Variants in ERBB4 observed in about 807,000 individuals in gnomAD.
The protein encoded by ERBB4 is receptor tyrosine-protein kinase erbB-4.
Under a neutral mutation model 158.0 loss-of-function variants are expected in ERBB4, and 42 were observed. That is an observed-to-expected ratio of 0.27 (90% CI 0.21 to 0.34). The LOEUF (loss-of-function observed/expected upper bound fraction) is 0.34. Ranked by LOEUF, ERBB4 falls within the 10% of genes least tolerant of loss-of-function variation. The pLI is 1.00. For missense variants in ERBB4, 1,333 were observed against 1,624.1 expected (o/e 0.82, Z 3.08); for synonymous variants, 583 against 558.7 (o/e 1.04, Z -0.61).
chr2:211,377,732 T>C lies in ERBB4; in HGVS notation c.*5883A>G, dbSNP rs966503196. ...AAGTTAATTTACTGGCAAAAATAACTTCTTGGTTATATGTACAGCTTTTAT... is the reference window on the plus strand; with the variant it reads ...AAGTTAATTTACTGGCAAAAATAACCTCTTGGTTATATGTACAGCTTTTAT... On this transcript the variant is annotated 3_prime_UTR_variant, in exon 28 of 28. Transcript: ENST00000342788. The C allele has an allele frequency of 3.0e-5, 7 of 232,496 alleles. No individual in the cohort carries two copies. The East Asian group carries it at 4.3e-4, about 14-fold the overall frequency. 14.4% of individuals were successfully genotyped at this position (232,496 alleles called of 1,614,324 possible). A position where few individuals can be genotyped will look rare whatever the true frequency, so the allele number is the denominator to read the frequency against.
Position 211,802,986 on chromosome 2 carries a change from T to C in ERBB4, c.422-14827A>G, listed in dbSNP as rs556346027. Among the ~76,000 whole-genome samples, 3 of 152,338 alleles carry C rather than the reference T, an allele frequency of 2.0e-5. No individual in the cohort carries two copies. In the East Asian group the frequency reaches 5.8e-4, roughly 29 times the overall value. On this transcript the variant is annotated intron_variant, in intron 3 of 27. Transcript: ENST00000342788. ...TTACAGCTAGGATAATAAGATGCGATCCAAAAGTTGAAAAAAAGTTGGCAC... is the reference window on the plus strand; with the variant it reads ...TTACAGCTAGGATAATAAGATGCGACCCAAAAGTTGAAAAAAAGTTGGCAC...
intron 19 of ERBB4, among the ~76,000 whole-genome samples, chr2:211,606,943 T>C (rs2069003489): frequency 1.3e-5 from 2 of 152,162 alleles, no homozygotes; most frequent in African/African-American, 4.8e-5. Context: ...AGCTTACACA[T>C]GTTTCCTATG....
At chr2:212,191,567 C>T (rs148949474) in intron 1 of ERBB4, among the ~76,000 whole-genome samples, 36 of 20,490 alleles carry the variant, frequency 1.8e-3, no homozygotes, top group Non-Finnish European at 3.2e-3. Flanking sequence ...TTATATATAA[C>T]ACATGTGTTA....
At chr2:211,413,443 A>AAAAC (rs1325269475) in intron 25 of ERBB4, among the ~76,000 whole-genome samples, 1 of 152,058 alleles carries the variant, frequency 6.6e-6, no homozygotes, top group Non-Finnish European at 1.5e-5. Context: ...TGTCTTAATA[A>AAAAC]AAACAAACAA....
At chr2:211,986,278 G>A (rs2081935324) in intron 2 of ERBB4, among the ~76,000 whole-genome samples, 1 of 152,164 alleles carries the variant, frequency 6.6e-6, no homozygotes, top group Admixed American at 6.5e-5. Context: ...ATGGTTTAAA[G>A]CTACTCGATT....
At chr2:211,384,313 TTCTTTCTAATTGCATTTGTC>T (rs1482664585) in intron 27 of ERBB4, among the ~76,000 whole-genome samples, 7 of 152,198 alleles carry the variant, frequency 4.6e-5, no homozygotes, top group African/African-American at 1.7e-4. Flanking sequence ...AAATTTTTCT[TTCTTTCTAATTGCATTTGTC>T]TCTTCTGCAT....
rs1190967493 is a variant in ERBB4 at position 212,324,559 on chromosome 2, C to T, written c.83-199656G>A. 1.4e-5 allele frequency among the ~76,000 whole-genome samples: 2 copies of T among 147,540 alleles called. 1 individual carries two copies. The highest frequency in any genetic ancestry group is 1.4e-4 in the Admixed American group (2 of 14,720). On this transcript the variant is annotated intron_variant, in intron 1 of 27. Coordinates refer to ENST00000342788, the MANE Select transcript of ERBB4 (RefSeq NM_005235.3). Reference sequence around the variant, plus strand: ...CTGCTACATAATAGGAATTCTACATCTGTTTAGTGGATCGGTGAATAATAG... The same window carrying T: ...CTGCTACATAATAGGAATTCTACATTTGTTTAGTGGATCGGTGAATAATAG...
intron 25 of ERBB4, among the ~76,000 whole-genome samples, chr2:211,402,362 C>T (rs997345302): frequency 1.3e-5 from 2 of 151,914 alleles, no homozygotes; most frequent in Non-Finnish European, 2.9e-5. Context: ...TTGCAAAAAA[C>T]GATAAATGAG....
chr2:212,349,674 T>C (rs1269931835), intron 1 of ERBB4, among the ~76,000 whole-genome samples: 1 of 152,088 alleles, frequency 6.6e-6, no homozygotes, highest in Non-Finnish European at 1.5e-5. Context: ...CTGCTGCAGA[T>C]ACAGATATTC....
At chr2:212,149,703 T>C (rs1434214285) in intron 1 of ERBB4, among the ~76,000 whole-genome samples, 1 of 152,214 alleles carries the variant, frequency 6.6e-6, no homozygotes, top group Non-Finnish European at 1.5e-5. Context: ...GTCTTTCTTT[T>C]TTCATCCTCA....
intron 19 of ERBB4, among the ~76,000 whole-genome samples, chr2:211,586,796 C>T (rs2068292523): frequency 6.6e-6 from 1 of 152,102 alleles, no homozygotes; most frequent in African/African-American, 2.4e-5. Context: ...GTCTCCCATA[C>T]AAAATACACT....
intron 1 of ERBB4, among the ~76,000 whole-genome samples, chr2:212,453,946 T>A (rs931123664): frequency 3.2e-5 from 1 of 31,104 alleles, no homozygotes; most frequent in Admixed American, 2.2e-4. Flanking sequence ...TTCCTTAACT[T>A]TTTTTTTTTT....
At chr2:212,277,440 A>T (rs2085583220) in intron 1 of ERBB4, among the ~76,000 whole-genome samples, 1 of 151,736 alleles carries the variant, frequency 6.6e-6, no homozygotes, top group African/African-American at 2.4e-5. Flanking sequence ...TAAGCACAAC[A>T]TATTCACCGT....
At chr2:211,855,105 T>C (rs1368953044) in intron 3 of ERBB4, among the ~76,000 whole-genome samples, 2 of 152,166 alleles carry the variant, frequency 1.3e-5, no homozygotes, top group African/African-American at 2.4e-5. Context: ...GTAATTATGT[T>C]GGGAAGCTTT....
At chr2:212,519,009 G>A (rs1252671413) in intron 1 of ERBB4, among the ~76,000 whole-genome samples, 3 of 151,938 alleles carry the variant, frequency 2.0e-5, no homozygotes, top group Admixed American at 1.3e-4. Context: ...TGTTATATGG[G>A]ACTATTACTA....
chr2:211,894,755 A>G (rs1259941349), intron 3 of ERBB4, among the ~76,000 whole-genome samples: 2 of 152,162 alleles, frequency 1.3e-5, no homozygotes, highest in African/African-American at 2.4e-5. Context: ...GAAGTAGTCT[A>G]TGTAATATTA....
intron 20 of ERBB4, among the ~76,000 whole-genome samples, chr2:211,526,462 C>A (rs985286120): frequency 2.6e-5 from 4 of 152,070 alleles, no homozygotes; most frequent in African/African-American, 4.8e-5. Context: ...GCTTAGATTA[C>A]AACAGTCATG....
intron 1 of ERBB4, among the ~76,000 whole-genome samples, chr2:212,438,916 A>G (rs1346487017): frequency 2.0e-5 from 3 of 152,156 alleles, no homozygotes; most frequent in African/African-American, 7.2e-5. Context: ...GAATCCAGAA[A>G]CAGATTTATG....
chr2:211,860,363 T>G (rs892073368), intron 3 of ERBB4, among the ~76,000 whole-genome samples: 2 of 152,316 alleles, frequency 1.3e-5, no homozygotes, highest in East Asian at 3.9e-4. Context: ...ACTCTTAAAT[T>G]GCTGCTTTCT....
Sources: gnomAD v4.1 joint callset for allele counts (sites outside exome capture counted in the v4.1 genomes callset) on GRCh38, gnomAD v4.1.1 for gene constraint, MANE v1.5 for transcripts, NCBI Gene and HGNC (gene_info 2026-07-23, HGNC 2026-07-21) for gene names.